Variants in CTNNA2 observed in about 807,000 individuals in gnomAD.
CTNNA2 encodes catenin alpha-2.
A neutral mutation model predicts 101.0 loss-of-function variants in CTNNA2; 42 were observed. That is an observed-to-expected ratio of 0.42 (90% CI 0.32 to 0.54). CTNNA2 has a LOEUF of 0.54. Ranked by LOEUF, CTNNA2 falls within the 20% of genes least tolerant of loss-of-function variation. CTNNA2 has a pLI of 0.14. For synonymous variants in CTNNA2, 450 were observed against 456.4 expected (o/e 0.99, Z 0.18); for missense variants, 871 against 1,223.1 (o/e 0.71, Z 4.29).
At chr2:80,056,769 G>A (rs1417250669) in intron 7 of CTNNA2, among the ~76,000 whole-genome samples, 1 of 152,162 alleles carries the variant, frequency 6.6e-6, no homozygotes, top group African/African-American at 2.4e-5. Flanking sequence ...ACATGGAAAG[G>A]CAAGTGTCTC....
At chr2:80,097,567 GAGA>G (rs1700236796) in intron 7 of CTNNA2, among the ~76,000 whole-genome samples, 1 of 152,116 alleles carries the variant, frequency 6.6e-6, no homozygotes, top group South Asian at 2.1e-4. Context: ...TCCTAGATTG[GAGA>G]AGTTCTCCTG....
chr2:79,391,874 A>G (rs1411944726), intron 4 of CTNNA2, among the ~76,000 whole-genome samples: 1 of 152,122 alleles, frequency 6.6e-6, no homozygotes, highest in Non-Finnish European at 1.5e-5. Flanking sequence ...CAAGGTGTCC[A>G]AAGGATTGGT....
intron 7 of CTNNA2, among the ~76,000 whole-genome samples, chr2:80,118,566 T>G (rs752599009): frequency 1.1e-4 from 16 of 152,252 alleles, no homozygotes; most frequent in Middle Eastern, 3.2e-3. Flanking sequence ...GCAAGCTGTG[T>G]GAAATTCATG....
chr2:80,539,327 G>T lies in CTNNA2; in HGVS notation c.1291-5655G>T, dbSNP rs80023115. Among the ~76,000 whole-genome samples, 145 of 55,142 alleles carry T rather than the reference G, an allele frequency of 2.6e-3. 1 individual carries two copies. Among genetic ancestry groups the T allele is most frequent in the African/African-American group, 8.2e-3 (119 of 14,550 alleles). 36.2% of individuals were successfully genotyped at this position (55,142 alleles called of 152,430 possible). A position where few individuals can be genotyped will look rare whatever the true frequency, so the allele number is the denominator to read the frequency against. ...CTCTCCTTGCTTTTTTTTTTTTGTTGTTGTTGTTGTTGTTCTTTCTAGTTC... is the reference window on the plus strand; with the variant it reads ...CTCTCCTTGCTTTTTTTTTTTTGTTTTTGTTGTTGTTGTTCTTTCTAGTTC... On this transcript the variant is annotated intron_variant, in intron 9 of 18. Coordinates refer to ENST00000402739, the MANE Select transcript of CTNNA2 (RefSeq NM_001282597.3).
chr2:79,772,994 T>C (rs1324138320), intron 3 of CTNNA2, among the ~76,000 whole-genome samples: 2 of 152,070 alleles, frequency 1.3e-5, no homozygotes, highest in African/African-American at 2.4e-5. Context: ...TGGGATTAGA[T>C]AGGTTTAGGG....
intron 9 of CTNNA2, among the ~76,000 whole-genome samples, chr2:80,538,280 T>C (rs991325701): frequency 2.0e-5 from 3 of 152,346 alleles, no homozygotes; most frequent in Admixed American, 1.3e-4. Flanking sequence ...TGCTGTTTTT[T>C]AGTCGTGAAG....
At chr2:80,603,693 A>G (rs1369008318) in intron 15 of CTNNA2, 1 of 161,630 alleles carries the variant, frequency 6.2e-6, no homozygotes, top group Non-Finnish European at 1.3e-5. Flanking sequence ...TATTTTCTAA[A>G]TGGGAGTGAT....
At chr2:80,357,126 G>C (rs1673888808) in intron 7 of CTNNA2, among the ~76,000 whole-genome samples, 1 of 151,992 alleles carries the variant, frequency 6.6e-6, no homozygotes, top group Admixed American at 6.6e-5. Context: ...GGTTATGATA[G>C]AAAACAGTAG....
At chr2:80,403,817 A>G (rs748231557) in intron 8 of CTNNA2, among the ~76,000 whole-genome samples, 2 of 152,328 alleles carry the variant, frequency 1.3e-5, no homozygotes, top group Non-Finnish European at 2.9e-5. Context: ...TTTTAACATG[A>G]AGGGATGTTG....
At chr2:80,093,326 A>ATC (rs1699911847) in intron 7 of CTNNA2, among the ~76,000 whole-genome samples, 1 of 152,150 alleles carries the variant, frequency 6.6e-6, no homozygotes, top group East Asian at 1.9e-4. Context: ...CCTACAAAGG[A>ATC]CATGAACTCA....
At chr2:80,049,246 T>C (rs1696717620) in intron 7 of CTNNA2, among the ~76,000 whole-genome samples, 1 of 152,170 alleles carries the variant, frequency 6.6e-6, no homozygotes, top group Non-Finnish European at 1.5e-5. Flanking sequence ...GTTAAGACCA[T>C]GTGCATTGGG....
At chr2:80,536,302 G>GT (rs1286761561) in intron 9 of CTNNA2, among the ~76,000 whole-genome samples, 4 of 152,088 alleles carry the variant, frequency 2.6e-5, no homozygotes, top group Admixed American at 6.6e-5. Context: ...CCTCTCTGTG[G>GT]TTTTATATGG....
chr2:79,922,071 C>G (rs920762690), intron 7 of CTNNA2, among the ~76,000 whole-genome samples: 2 of 152,154 alleles, frequency 1.3e-5, no homozygotes, highest in Non-Finnish European at 2.9e-5. Context: ...AATTATCTGA[C>G]GTAATCAACA....
At chr2:79,625,036 CA>C (rs1679219577) in intron 1 of CTNNA2, among the ~76,000 whole-genome samples, 1 of 152,104 alleles carries the variant, frequency 6.6e-6, no homozygotes, top group African/African-American at 2.4e-5. Flanking sequence ...GGAAGGCACA[CA>C]AAAGACATAG....
chr2:79,255,634 T>A (rs757453575), intron 2 of CTNNA2, among the ~76,000 whole-genome samples: 12 of 151,314 alleles, frequency 7.9e-5, no homozygotes, highest in Non-Finnish European at 1.6e-4. Flanking sequence ...AAAAGAAGAG[T>A]GGTGGAAAGG....
chr2:80,238,051 G>A (rs571286158), intron 7 of CTNNA2, among the ~76,000 whole-genome samples: 1 of 152,052 alleles, frequency 6.6e-6, no homozygotes, highest in South Asian at 2.1e-4. Context: ...CCAAGGACAA[G>A]CTTTAAGGAA....
intron 9 of CTNNA2, among the ~76,000 whole-genome samples, chr2:80,484,982 T>G (rs191290000): frequency 7.5e-4 from 114 of 152,184 alleles, no homozygotes; most frequent in African/African-American, 2.6e-3. Context: ...TTCCAGCCTG[T>G]GTGACAGAGC....
intron 9 of CTNNA2, among the ~76,000 whole-genome samples, chr2:80,426,572 G>C (rs1681015286): frequency 6.6e-6 from 1 of 152,170 alleles, no homozygotes; most frequent in African/African-American, 2.4e-5. Flanking sequence ...AGAGCAGTCA[G>C]AGTGAATTTC....
At chr2:79,435,938 G>C (rs982418162) in intron 4 of CTNNA2, among the ~76,000 whole-genome samples, 1 of 152,186 alleles carries the variant, frequency 6.6e-6, no homozygotes, top group Admixed American at 6.5e-5. Flanking sequence ...ACTAAGCTTA[G>C]GGAGGGGATG....
Sources: gnomAD v4.1 joint callset for allele counts (sites outside exome capture counted in the v4.1 genomes callset) on GRCh38, gnomAD v4.1.1 for gene constraint, MANE v1.5 for transcripts, NCBI Gene and HGNC (gene_info 2026-07-23, HGNC 2026-07-21) for gene names.